MROH2B: variants seen among roughly 807,000 people sequenced by gnomAD.
The protein encoded by MROH2B is maestro heat-like repeat-containing protein family member 2B.
A neutral mutation model predicts 208.6 loss-of-function variants in MROH2B; 177 were observed. The observed-to-expected ratio is 0.85, with a 90% CI of 0.75 to 0.96. The LOEUF (loss-of-function observed/expected upper bound fraction) is 0.96, where lower values mean the gene tolerates loss of function less well. Ranked by LOEUF, MROH2B falls within the 40% of genes least tolerant of loss-of-function variation. The pLI is 0.00. For synonymous variants in MROH2B, 728 were observed against 659.0 expected (o/e 1.10, Z -1.60); for missense variants, 2,002 against 1,878.7 (o/e 1.07, Z -1.21).
chr5:41,012,417 G>A lies in MROH2B; in HGVS notation c.3135+166C>T, dbSNP rs868215492. Among the ~76,000 whole-genome samples the A allele has an allele frequency of 3.4e-4, 51 of 152,190 alleles. 1 individual carries two copies. The highest frequency in any genetic ancestry group is 1.2e-3 in the African/African-American group (48 of 41,448). ...GAGGCAATTGAGACAGGTCCTCAAC[G>A]TGAGCCTTGTTGTTAAACACACAAC... On this transcript the variant is annotated intron_variant, in intron 30 of 41. Transcript: ENST00000399564.
chr5:41,047,286 C>T (rs1372029762), intron 17 of MROH2B, among the ~76,000 whole-genome samples: 2 of 151,978 alleles, frequency 1.3e-5, no homozygotes, highest in East Asian at 3.9e-4. Flanking sequence ...TAAAATGTGG[C>T]CCTTTGTTTT....
At chr5:41,008,033 A>T (rs1464827280) in intron 33 of MROH2B, among the ~76,000 whole-genome samples, 1 of 152,220 alleles carries the variant, frequency 6.6e-6, no homozygotes, top group Middle Eastern at 3.2e-3. Flanking sequence ...TTACATTGGA[A>T]TGAAAAGTTA....
intron 11 of MROH2B, among the ~76,000 whole-genome samples, chr5:41,053,365 G>A (rs1743343319): frequency 6.6e-6 from 1 of 152,116 alleles, no homozygotes; most frequent in African/African-American, 2.4e-5. Context: ...TCAGAGTAAT[G>A]TTTTTCTAAA....
intron 24 of MROH2B, among the ~76,000 whole-genome samples, chr5:41,025,572 C>T (rs1742324624): frequency 6.6e-6 from 1 of 152,082 alleles, no homozygotes; most frequent in Non-Finnish European, 1.5e-5. Context: ...AAGTCCAGGA[C>T]CAGATGGATT....
intron 2 of MROH2B, among the ~76,000 whole-genome samples, chr5:41,069,229 A>T (rs1393986926): frequency 6.6e-6 from 1 of 152,194 alleles, no homozygotes; most frequent in African/African-American, 2.4e-5. Context: ...CTTCCCAGAT[A>T]AGTGTTCGAT....
intron 34 of MROH2B, among the ~76,000 whole-genome samples, chr5:41,006,319 A>AAAC (rs1490553348): frequency 1.3e-5 from 2 of 152,266 alleles, no homozygotes; most frequent in East Asian, 3.9e-4. Flanking sequence ...GACCATAATA[A>AAAC]AATAATAATA....
rs1258956255 is a variant in MROH2B at position 41,064,522 on chromosome 5, G to A, written c.410C>T (p.Thr137Ile). 1.2e-6 allele frequency: 2 copies of A among 1,613,516 alleles called. No individual in the cohort carries two copies. Among genetic ancestry groups the A allele is most frequent in the Non-Finnish European group, 1.7e-6 (2 of 1,179,620 alleles). The change falls in exon 5 of 42, where the codon ACC (threonine) becomes ATC (isoleucine). Residue 137 changes from threonine (T) to isoleucine (I), a missense_variant. Coordinates refer to ENST00000399564, the MANE Select transcript of MROH2B (RefSeq NM_173489.5). The stretch of plus-strand genomic sequence containing the variant: ...TTCATCCTCGGCCAGCCTGAGCATG[G>A]TTTGCATGGTGAGCAGGGTCATCAT... ...FMMMTLLTMQ[T>I]MLRLAEDERM...
chr5:41,067,287 T>C, intron 2 of MROH2B, 69 bp from the exon 3 acceptor site: 1 of 782,096 alleles, frequency 1.3e-6, no homozygotes, highest in Non-Finnish European at 2.2e-6. Flanking sequence ...GAAATCCTAA[T>C]GAATAACACC....
At position 41,052,460 on chromosome 5, in the gene MROH2B, C is replaced by T. The variant is rs753101164; in HGVS notation, c.1230+5G>A. ...GCATCACTCAAAACTGTAGCCTCTG[C>T]ATACCAGATTCCTGTTCAACGTTGC... is the stretch of plus-strand genomic sequence containing the variant. On this transcript the variant is annotated splice_donor_5th_base_variant and intron_variant, in intron 12 of 41. Transcript: ENST00000399564. 11 of 1,611,304 alleles carry T rather than the reference C, an allele frequency of 6.8e-6. No homozygotes were observed. Among genetic ancestry groups the T allele is most frequent in the South Asian group, 2.2e-5 (2 of 90,630 alleles).
chr5:41,030,692 C>T (rs1742537621), intron 24 of MROH2B, among the ~76,000 whole-genome samples: 1 of 152,014 alleles, frequency 6.6e-6, no homozygotes, highest in African/African-American at 2.4e-5. Context: ...AAGAACAAAT[C>T]TGGAGTCACT....
rs1350609394 is a variant in MROH2B at position 41,064,562 on chromosome 5, T to C, written c.370A>G (p.Ser124Gly). 49 of 1,611,816 alleles carry C rather than the reference T, an allele frequency of 3.0e-5. No individual in the cohort carries two copies. Among genetic ancestry groups the C allele is most frequent in the Non-Finnish European group, 4.2e-5 (49 of 1,178,506 alleles). Residue 124 changes from serine to glycine, a missense_variant, in exon 5 of 42, where the codon AGT (serine) becomes GGT (glycine). By Grantham distance (56) the Ser-to-Gly change is moderately conservative (BLOSUM62 0). Transcript: ENST00000399564. ...AGGGTCATCATCATGAAAGGAATACTCTGGGACACTGGAGGGAGAGGCAGA... is the reference window on the plus strand; with the variant it reads ...AGGGTCATCATCATGAAAGGAATACCCTGGGACACTGGAGGGAGAGGCAGA... ...AELATSYVSQ[S>G]IPFMMMTLLT...
chr5:41,022,485 G>A (rs901987996), intron 24 of MROH2B, among the ~76,000 whole-genome samples: 10 of 152,150 alleles, frequency 6.6e-5, no homozygotes, highest in Admixed American at 6.5e-4. Flanking sequence ...ACTGCAAGGT[G>A]GCAGCGAGGC....
chr5:41,001,372 T>C (rs1363485227), intron 37 of MROH2B, among the ~76,000 whole-genome samples: 2 of 152,126 alleles, frequency 1.3e-5, no homozygotes, highest in African/African-American at 4.8e-5. Context: ...TGTGAAATTA[T>C]GGAACTTCCT....
chr5:41,007,750 C>T (rs1040109926), intron 33 of MROH2B, among the ~76,000 whole-genome samples: 1 of 152,172 alleles, frequency 6.6e-6, no homozygotes, highest in East Asian at 1.9e-4. Flanking sequence ...TTCTAAAACA[C>T]GATCTCTGAA....
rs767888066 is a variant in MROH2B at position 41,033,818 on chromosome 5, T to TATC, written c.2241+17_2241+19dup. 22 of 1,055,278 alleles carry TATC rather than the reference T, an allele frequency of 2.1e-5. No homozygotes were observed. In the Middle Eastern group the frequency reaches 7.0e-4, roughly 33 times the overall value. 65.4% of individuals were successfully genotyped at this position (1,055,278 alleles called of 1,614,324 possible). On this transcript the variant is annotated intron_variant, in intron 22 of 41. Coordinates refer to ENST00000399564, the MANE Select transcript of MROH2B (RefSeq NM_173489.5). ...CTATCTATCTATCTATCTATCTATC[T>TATC]ATCTATCTATCTCTCCTACCTTGTT...
At chr5:41,004,314 G>A (rs374953649) in intron 37 of MROH2B, 32 bp downstream of exon 37, 1,081 of 1,602,918 alleles carry the variant, frequency 6.7e-4, no homozygotes, top group Admixed American at 1.7e-3. Context: ...ACTCACTTCT[G>A]GGGAGGGAAG....
intron 5 of MROH2B, 141 bp downstream of exon 5, chr5:41,064,331 T>A: frequency 1.6e-6 from 1 of 622,958 alleles, no homozygotes. Context: ...ACTTTCCATG[T>A]GGTAGGCACT....
At chr5:41,061,421 G>A in intron 6 of MROH2B, 149 bp downstream of exon 6, 1 of 629,196 alleles carries the variant, frequency 1.6e-6, no homozygotes, top group Non-Finnish European at 2.5e-6. Flanking sequence ...TTTGAAATAG[G>A]TGGGAAAAAA....
chr5:41,052,709 A>C, intron 11 of MROH2B, 122 bp from the exon 12 acceptor site: 1 of 902,670 alleles, frequency 1.1e-6, no homozygotes, highest in Non-Finnish European at 1.6e-6. Context: ...AGGAACATAA[A>C]TTGAATAGTG....
Sources: gnomAD v4.1 joint callset for allele counts (sites outside exome capture counted in the v4.1 genomes callset) on GRCh38, gnomAD v4.1.1 for gene constraint, MANE v1.5 for transcripts, NCBI Gene and HGNC (gene_info 2026-07-23, HGNC 2026-07-21) for gene names.